MCTP1: variants seen among roughly 807,000 people sequenced by gnomAD.
The protein encoded by MCTP1 is multiple C2 and transmembrane domain-containing protein 1.
A neutral mutation model predicts 120.6 loss-of-function variants in MCTP1; 69 were observed. The ratio of observed to expected loss-of-function variants is 0.57; its 90% CI spans 0.47 to 0.70. The LOEUF is 0.70. Ranked by LOEUF, MCTP1 falls within the 30% of genes least tolerant of loss-of-function variation. MCTP1 has a pLI of 0.00. For synonymous variants in MCTP1, 529 were observed against 493.1 expected, an observed-to-expected ratio of 1.07 and a Z score of -0.96; for missense variants, 1,203 against 1,248.8, an observed-to-expected ratio of 0.96 and a Z score of 0.55.
At chr5:95,090,683 A>G (rs1448363936) in intron 1 of MCTP1, among the ~76,000 whole-genome samples, 2 of 152,212 alleles carry the variant, frequency 1.3e-5, no homozygotes, top group African/African-American at 4.8e-5. Flanking sequence ...TTAGTTTAAA[A>G]AATATTGCCA....
intron 12 of MCTP1, among the ~76,000 whole-genome samples, chr5:94,875,262 G>A (rs1026293060): frequency 2.0e-5 from 3 of 152,074 alleles, no homozygotes; most frequent in Non-Finnish European, 4.4e-5. Flanking sequence ...AAATGAAGGA[G>A]GTGAGTCTTG....
intron 1 of MCTP1, among the ~76,000 whole-genome samples, chr5:95,037,304 G>T (rs79807324): frequency 8.5e-5 from 13 of 152,132 alleles, no homozygotes; most frequent in African/African-American, 3.1e-4. Context: ...GGTTCTTATG[G>T]AGTATTTCGA....
chr5:95,217,504 G>A (rs1689784066), intron 1 of MCTP1, among the ~76,000 whole-genome samples: 1 of 152,110 alleles, frequency 6.6e-6, no homozygotes, highest in African/African-American at 2.4e-5. Context: ...AGCCGGTCTT[G>A]GCCACACCTG....
chr5:94,891,747 A>AAAAT (rs66803101), intron 11 of MCTP1, among the ~76,000 whole-genome samples: 12,552 of 148,356 alleles, frequency 0.085, 611 homozygotes, highest in Middle Eastern at 0.13. Context: ...ATAAGAAGTA[A>AAAAT]AAATAAATAA....
chr5:94,911,368 C>T (rs913304318), intron 9 of MCTP1, among the ~76,000 whole-genome samples: 1 of 152,170 alleles, frequency 6.6e-6, no homozygotes, highest in African/African-American at 2.4e-5. Context: ...ACCGAAATCT[C>T]ATGTCATATT....
At chr5:94,824,318 T>A (rs1786433715) in intron 17 of MCTP1, among the ~76,000 whole-genome samples, 1 of 152,234 alleles carries the variant, frequency 6.6e-6, no homozygotes, top group Non-Finnish European at 1.5e-5. Flanking sequence ...GTTTTTGTCA[T>A]TGGTTCTGTT....
chr5:95,069,100 G>A (rs1751456752), intron 1 of MCTP1, among the ~76,000 whole-genome samples: 1 of 151,926 alleles, frequency 6.6e-6, no homozygotes, highest in Admixed American at 6.6e-5. Flanking sequence ...GTCTTTTGTA[G>A]AGCCACATAT....
intron 1 of MCTP1, among the ~76,000 whole-genome samples, chr5:95,280,931 G>C (rs990094038): frequency 3.3e-5 from 5 of 152,134 alleles, no homozygotes; most frequent in Admixed American, 2.0e-4. Flanking sequence ...GTGCACATAT[G>C]TTGTTGGGGC....
chr5:95,166,608 C>A (rs1206853864), intron 1 of MCTP1, among the ~76,000 whole-genome samples: 1 of 145,972 alleles, frequency 6.9e-6, no homozygotes, highest in African/African-American at 2.6e-5. Context: ...TCACTCGTCA[C>A]CCAGGCTGGG....
chr5:94,813,634 AC>A (rs1228285236), intron 17 of MCTP1, among the ~76,000 whole-genome samples: 2 of 152,124 alleles, frequency 1.3e-5, no homozygotes, highest in African/African-American at 4.8e-5. Context: ...AAAAGAAGAT[AC>A]CTGTAATCCC....
chr5:94,943,420 T>C (rs935111924), intron 3 of MCTP1, among the ~76,000 whole-genome samples: 2 of 151,978 alleles, frequency 1.3e-5, no homozygotes, highest in African/African-American at 4.8e-5. Flanking sequence ...AGACAGATAA[T>C]GGAAGGATGC....
chr5:95,126,631 T>C (rs1758654450), intron 1 of MCTP1, among the ~76,000 whole-genome samples: 1 of 152,194 alleles, frequency 6.6e-6, no homozygotes, highest in African/African-American at 2.4e-5. Context: ...AATTTTGATA[T>C]TGGTGTGTCA....
At chr5:95,099,490 G>A (rs1756544343) in intron 1 of MCTP1, among the ~76,000 whole-genome samples, 1 of 152,090 alleles carries the variant, frequency 6.6e-6, no homozygotes, top group Non-Finnish European at 1.5e-5. Context: ...CTCAAAAGAA[G>A]ATATTTATGC....
At position 95,099,896 on chromosome 5, in the gene MCTP1, G is replaced by A. The variant is rs971299516; in HGVS notation, c.721-82412C>T. On this transcript the variant is annotated intron_variant, in intron 1 of 22. Transcript: ENST00000515393. The stretch of plus-strand genomic sequence containing the variant: ...CCCAAATGTCCAACAATGATAGACT[G>A]GATTAAGAAAATGTGGCACATATAC... Among the ~76,000 whole-genome samples the A allele has an allele frequency of 4.0e-5, 6 of 151,424 alleles. No homozygotes were observed. In the East Asian group the frequency reaches 9.7e-4, roughly 25 times the overall value.
intron 6 of MCTP1, among the ~76,000 whole-genome samples, chr5:94,927,265 AT>A (rs1335512930): frequency 6.6e-5 from 10 of 152,304 alleles, no homozygotes; most frequent in South Asian, 2.1e-4. Flanking sequence ...TTCTTTGATA[AT>A]AGAAATACTC....
intron 18 of MCTP1, among the ~76,000 whole-genome samples, chr5:94,796,498 G>A (rs188591696): frequency 1.3e-5 from 2 of 150,042 alleles, no homozygotes; most frequent in East Asian, 3.9e-4. Context: ...CTATGCAGGA[G>A]AGTCAATGCA....
At chr5:94,976,599 G>A (rs147315333) in intron 2 of MCTP1, 1 of 152,236 alleles carries the variant, frequency 6.6e-6, no homozygotes, top group African/African-American at 2.4e-5. Context: ...GAATAAAGGT[G>A]TTTGGATATA....
intron 1 of MCTP1, among the ~76,000 whole-genome samples, chr5:95,182,707 G>A (rs1748736844): frequency 6.6e-6 from 1 of 152,040 alleles, no homozygotes; most frequent in Non-Finnish European, 1.5e-5. Context: ...AACTACCATA[G>A]TCAGAATCAT....
intron 1 of MCTP1, among the ~76,000 whole-genome samples, chr5:95,277,647 G>A (rs1334222410): frequency 2.0e-5 from 3 of 152,164 alleles, no homozygotes; most frequent in Non-Finnish European, 4.4e-5. Context: ...CAGAGCTGGC[G>A]AGGCAAGTGA....
Sources: gnomAD v4.1 joint callset for allele counts (sites outside exome capture counted in the v4.1 genomes callset) on GRCh38, gnomAD v4.1.1 for gene constraint, MANE v1.5 for transcripts, NCBI Gene and HGNC (gene_info 2026-07-23, HGNC 2026-07-21) for gene names.